Variants in AGBL1 observed in about 807,000 individuals in gnomAD.
The protein encoded by AGBL1 is AGBL carboxypeptidase 1.
Under a neutral mutation model 118.9 loss-of-function variants are expected in AGBL1, and 130 were observed. The observed-to-expected ratio is 1.09, with a 90% CI of 0.95 to 1.26. AGBL1 has a LOEUF of 1.26. Among genes scored for constraint, AGBL1 ranks in the 50% most tolerant of loss-of-function variants. The probability of loss-of-function intolerance (pLI) is 0.00; values close to 1 mark genes in which losing one functional copy is unlikely to be tolerated. For synonymous variants in AGBL1, 555 were observed against 478.9 expected (o/e 1.16, Z -2.08); for missense variants, 1,584 against 1,298.1 (o/e 1.22, Z -3.38).
At chr15:86,448,035 T>C (rs1393460663) in intron 18 of AGBL1, among the ~76,000 whole-genome samples, 1 of 152,082 alleles carries the variant, frequency 6.6e-6, no homozygotes, top group Non-Finnish European at 1.5e-5. Context: ...GTCCCAGCTG[T>C]TCCGGAGGGT....
intron 22 of AGBL1, among the ~76,000 whole-genome samples, chr15:86,801,518 G>A (rs762333044): frequency 1.1e-4 from 17 of 151,918 alleles, no homozygotes; most frequent in African/African-American, 3.4e-4. Context: ...CTTTATTTCC[G>A]TTTGTGGGAT....
intron 22 of AGBL1, among the ~76,000 whole-genome samples, chr15:86,898,986 C>T (rs1268094080): frequency 2.0e-5 from 3 of 152,060 alleles, no homozygotes; most frequent in Non-Finnish European, 4.4e-5. Flanking sequence ...GTGGTGATTC[C>T]TCAAAGAGCT....
At chr15:86,279,539 A>G (rs951187442) in intron 15 of AGBL1, 100 bp from the exon 16 acceptor site, 1 of 1,162,222 alleles carries the variant, frequency 8.6e-7, no homozygotes, top group Non-Finnish European at 1.2e-6. Context: ...CCAGGACAGT[A>G]TATAACGCAC....
chr15:86,624,933 T>A (rs566813257), intron 21 of AGBL1, among the ~76,000 whole-genome samples: 3 of 152,310 alleles, frequency 2.0e-5, no homozygotes, highest in Admixed American at 2.0e-4. Flanking sequence ...CCTGACAGAA[T>A]GCCTTCAGAG....
Position 86,680,639 on chromosome 15 carries a change from TC to T in AGBL1, c.3158+6204del, listed in dbSNP as rs561039692. On this transcript the variant is annotated intron_variant, in intron 22 of 22. Coordinates refer to ENST00000614907, the MANE Select transcript of AGBL1 (RefSeq NM_001386094.1). ...TGGAGTGCAGTGGGGCAATCTTGGC[TC>T]ACTACAACCTCTGCCTCCTGGGTAC... Among the ~76,000 whole-genome samples the T allele has an allele frequency of 5.9e-3, 838 of 142,936 alleles. 4 individuals are homozygous for T. Among genetic ancestry groups the T allele is most frequent in the Middle Eastern group, 0.011 (3 of 278 alleles). The allele number at this position is 142,936 out of a possible 152,430, so 93.8% of individuals were successfully genotyped here. A position where few individuals can be genotyped will look rare whatever the true frequency, so the allele number is the denominator to read the frequency against.
intron 18 of AGBL1, among the ~76,000 whole-genome samples, chr15:86,418,457 T>A (rs756620052): frequency 1.3e-4 from 20 of 152,158 alleles, no homozygotes; most frequent in Non-Finnish European, 2.4e-4. Flanking sequence ...CCCAAAATTG[T>A]TCTTGGTTAC....
At chr15:86,689,679 G>A (rs2086128141) in intron 22 of AGBL1, among the ~76,000 whole-genome samples, 1 of 151,998 alleles carries the variant, frequency 6.6e-6, no homozygotes, top group Non-Finnish European at 1.5e-5. Context: ...TGTCCTATTA[G>A]AGAACTTTTA....
intron 22 of AGBL1, among the ~76,000 whole-genome samples, chr15:86,842,294 G>T (rs886363741): frequency 1.3e-5 from 2 of 151,696 alleles, no homozygotes; most frequent in African/African-American, 4.8e-5. Context: ...TTATTGAAAT[G>T]GTGGTATAGG....
intron 19 of AGBL1, among the ~76,000 whole-genome samples, chr15:86,526,179 A>C (rs965294418): frequency 6.6e-6 from 1 of 152,132 alleles, no homozygotes; most frequent in Admixed American, 6.5e-5. Flanking sequence ...ACTTTACGCC[A>C]GTAAGAATGG....
intron 5 of AGBL1, among the ~76,000 whole-genome samples, chr15:86,206,680 A>C (rs1235160463): frequency 6.6e-6 from 1 of 151,712 alleles, no homozygotes; most frequent in African/African-American, 2.4e-5. Flanking sequence ...TTCCTTGTAA[A>C]TTTAAGTTCT....
chr15:86,430,447 A>C (rs572049161), intron 18 of AGBL1, among the ~76,000 whole-genome samples: 1 of 151,358 alleles, frequency 6.6e-6, no homozygotes, highest in Admixed American at 6.6e-5. Context: ...GTGAGCCGAG[A>C]TCACGCCACT....
rs749455953 is a variant in AGBL1, at chr15:86,270,076, G to T, written c.1987+9G>T. 2.5e-6 allele frequency: 4 copies of T among 1,606,304 alleles called. No homozygotes were observed. In the East Asian group the frequency reaches 9.0e-5, roughly 36 times the overall value. ...CAGCCAGTTTAATTATGGTATGAAC[G>T]CTTGGGGAGCAGGGGCTTTCTGGAA... is the stretch of plus-strand genomic sequence containing the variant. On this transcript the variant is annotated intron_variant, in intron 14 of 22. Coordinates refer to ENST00000614907, the MANE Select transcript of AGBL1 (RefSeq NM_001386094.1).
intron 20 of AGBL1, among the ~76,000 whole-genome samples, chr15:86,551,084 G>A (rs1001491300): frequency 2.6e-5 from 4 of 151,954 alleles, no homozygotes; most frequent in Non-Finnish European, 5.9e-5. Context: ...AGCAAAAATA[G>A]TACACAGAAG....
rs61196749 is a variant in AGBL1 at position 86,930,461 on chromosome 15, T to C, written c.3222-57526T>C. Among the ~76,000 whole-genome samples, 599 of 152,262 alleles carry C rather than the reference T, an allele frequency of 3.9e-3. 2 individuals carry two copies. The highest frequency in any genetic ancestry group is 0.013 in the African/African-American group (559 of 41,548). ...GTTGGGGGCACTGCTTCGGGAGATC[T>C]GTTTATTCTGTAATTAACAATAAGC... On this transcript the variant is annotated intron_variant, in intron 23 of 24. Coordinates refer to the AGBL1 transcript ENST00000441037.
intron 22 of AGBL1, among the ~76,000 whole-genome samples, chr15:86,748,913 C>A (rs548369821): frequency 6.6e-5 from 10 of 151,956 alleles, no homozygotes; most frequent in African/African-American, 1.9e-4. Context: ...GTTACTGTAG[C>A]CTTGTAGTAT....
intron 11 of AGBL1, among the ~76,000 whole-genome samples, chr15:86,265,607 A>T (rs1168154660): frequency 1.3e-5 from 2 of 152,142 alleles, no homozygotes; most frequent in East Asian, 3.9e-4. Context: ...AATCCCCCAA[A>T]CTGCTCCCAC....
At chr15:86,682,893 T>C (rs1379968053) in intron 22 of AGBL1, among the ~76,000 whole-genome samples, 1 of 152,142 alleles carries the variant, frequency 6.6e-6, no homozygotes, top group African/African-American at 2.4e-5. Context: ...AGTAGATGCT[T>C]CCATTAACAT....
intron 16 of AGBL1, among the ~76,000 whole-genome samples, chr15:86,291,482 T>C (rs1425086605): frequency 1.3e-5 from 2 of 152,152 alleles, no homozygotes; most frequent in Admixed American, 1.3e-4. Flanking sequence ...TGAGTTAAGA[T>C]TGGCAATCAA....
At chr15:86,840,736 G>A (rs570621651) in intron 22 of AGBL1, among the ~76,000 whole-genome samples, 14 of 151,850 alleles carry the variant, frequency 9.2e-5, no homozygotes, top group South Asian at 4.2e-4. Flanking sequence ...CACCACACCC[G>A]TCGCAAATGC....
Sources: gnomAD v4.1 joint callset for allele counts (sites outside exome capture counted in the v4.1 genomes callset) on GRCh38, gnomAD v4.1.1 for gene constraint, MANE v1.5 for transcripts, NCBI Gene and HGNC (gene_info 2026-07-23, HGNC 2026-07-21) for gene names.